SRPRA: variants seen among roughly 807,000 people sequenced by gnomAD.
SRPRA encodes the protein SRP receptor subunit alpha, also known as signal recognition particle receptor subunit alpha.
In SRPRA, 30 loss-of-function variants were observed where a neutral mutation model predicts 61.1. The ratio of observed to expected loss-of-function variants is 0.49; its 90% CI spans 0.37 to 0.67. The LOEUF (loss-of-function observed/expected upper bound fraction) is 0.67. Ranked by LOEUF, SRPRA falls within the 30% of genes least tolerant of loss-of-function variation. SRPRA has a pLI of 0.00. For missense variants in SRPRA, 759 were observed against 828.4 expected (o/e 0.92, Z 1.03); for synonymous variants, 324 against 299.7 (o/e 1.08, Z -0.84).
chr11:126,268,674 C>T lies in SRPRA; in HGVS notation c.117+14G>A. ...AAAGAAGAGCCTGGAGTTCTGATCC[C>T]ACGGGGACGGTACCTGCAGCAGCAC... On this transcript the variant is annotated intron_variant, in intron 1 of 13. Transcript: ENST00000332118. The T allele has an allele frequency of 6.2e-7, 1 of 1,609,176 alleles. No individual in the cohort carries two copies. Among genetic ancestry groups the T allele is most frequent in the Non-Finnish European group, 8.5e-7 (1 of 1,175,960 alleles).
At position 126,267,974 on chromosome 11, in the gene SRPRA, C is replaced by A. The variant is rs754553278; in HGVS notation, c.201+29G>T. ...AAAAATCAGGGCTATGTTAACAATGCAATCGTCCCTCTACAACACCCCACT... is the reference window on the plus strand; with the variant it reads ...AAAAATCAGGGCTATGTTAACAATGAAATCGTCCCTCTACAACACCCCACT... On this transcript the variant is annotated intron_variant, in intron 2 of 13. Coordinates refer to ENST00000332118, the MANE Select transcript of SRPRA (RefSeq NM_003139.4). This position sits in a 1 kb window ranked among gnomAD's most constrained non-coding sequence, Gnocchi z 4.2. 13 of 1,604,256 alleles carry A rather than the reference C, an allele frequency of 8.1e-6. No homozygotes were observed. The highest frequency in any genetic ancestry group is 1.1e-5 in the Non-Finnish European group (13 of 1,171,252).
At chr11:126,266,730 G>A (rs776037199) in intron 5 of SRPRA, 33 bp downstream of exon 5, 4 of 1,612,040 alleles carry the variant, frequency 2.5e-6, no homozygotes, top group Non-Finnish European at 3.4e-6. Context: ...CTAGATAACA[G>A]TATTTTGAGA....
the SRPRA span, among the ~76,000 whole-genome samples, chr11:126,251,916 A>G: frequency 6.6e-6 from 1 of 152,084 alleles, no homozygotes. Flanking sequence ...TCCTGACCTC[A>G]GGTGATCTGC....
At chr11:126,258,442 A>G (rs895027368), downstream of SRPRA, among the ~76,000 whole-genome samples, 4 of 152,218 alleles carry the variant, frequency 2.6e-5, no homozygotes, top group African/African-American at 9.6e-5. Context: ...TCCTAAATCA[A>G]ATCATCCCCA....
At chr11:126,261,688 A>C (rs1950704009), downstream of SRPRA, among the ~76,000 whole-genome samples, 1 of 152,150 alleles carries the variant, frequency 6.6e-6, no homozygotes, top group Non-Finnish European at 1.5e-5. Flanking sequence ...GTGATCAGTT[A>C]ATTTTTTGAA....
chr11:126,261,347 T>C (rs7109286), downstream of SRPRA: 33,288 of 1,181,596 alleles, frequency 0.028, 3,230 homozygotes, highest in African/African-American at 0.3. Flanking sequence ...TATGTCCTCA[T>C]CTCCCTTTAG....
At chr11:126,248,666 G>A in the SRPRA span, among the ~76,000 whole-genome samples, 2 of 152,024 alleles carry the variant, frequency 1.3e-5, no homozygotes, top group African/African-American at 2.4e-5. Context: ...CAGCACGCCC[G>A]GCCCAGACTC....
chr11:126,263,128 T>G lies in SRPRA; in HGVS notation c.*788A>C, dbSNP rs373915472. On this transcript the variant is annotated 3_prime_UTR_variant, in exon 14 of 14. Coordinates refer to ENST00000332118, the MANE Select transcript of SRPRA (RefSeq NM_003139.4). Reference sequence around the variant, plus strand: ...GGGAGTGATGAGGAAAAGCCAGGACTGCTTAGGAGGTGAAGGATGGGAGGG... The same window carrying G: ...GGGAGTGATGAGGAAAAGCCAGGACGGCTTAGGAGGTGAAGGATGGGAGGG... The G allele has an allele frequency of 8.5e-5, 13 of 152,672 alleles. No individual in the cohort carries two copies. In the East Asian group the frequency reaches 1.9e-3, roughly 23 times the overall value. 9.5% of individuals were successfully genotyped at this position (152,672 alleles called of 1,614,324 possible).
Position 126,268,799 on chromosome 11 carries a change from G to T in SRPRA, c.6C>A (p.Leu2=). 3.1e-6 allele frequency: 5 copies of T among 1,613,230 alleles called. No individual in the cohort carries two copies. Among genetic ancestry groups the T allele is most frequent in the Non-Finnish European group, 4.2e-6 (5 of 1,179,800 alleles). Residue 2 remains leucine, a synonymous_variant, in exon 1 of 14, where the codon CTC becomes CTA. Transcript: ENST00000332118. ...CCTTGGAGAAAATGGTGAAGAAGTC[G>T]AGCATGGCGGCAGCGGCAGAGGAGC... M[L]DFFTIFSKGG...
downstream of SRPRA, among the ~76,000 whole-genome samples, chr11:126,259,822 G>A (rs537256233): frequency 9.2e-5 from 14 of 151,924 alleles, no homozygotes; most frequent in African/African-American, 2.9e-4. Flanking sequence ...CTGGGTTCAC[G>A]CCATTCTCCT....
chr11:126,250,819 T>TTTA, the SRPRA span: 1 of 1,079,116 alleles, frequency 9.3e-7, no homozygotes, highest in South Asian at 1.6e-5. This position sits in a 1 kb window ranked among gnomAD's most constrained non-coding sequence, Gnocchi z 5.1. Flanking sequence ...TATATTGGTA[T>TTTA]TTATGTAGAG....
chr11:126,250,053 A>C, the SRPRA span, among the ~76,000 whole-genome samples: 1 of 150,796 alleles, frequency 6.6e-6, no homozygotes, highest in South Asian at 2.1e-4. The surrounding 1 kb of genome is among the most constrained non-coding windows in gnomAD (Gnocchi z 5.1). Flanking sequence ...CATCTTCCTT[A>C]TTACGTTCGT....
chr11:126,264,641 T>G lies in SRPRA; in HGVS notation c.1526-102A>C, dbSNP rs1428972763. 3.1e-5 allele frequency: 43 copies of G among 1,385,022 alleles called. No individual in the cohort carries two copies. The highest frequency in any genetic ancestry group is 3.6e-5 in the Non-Finnish European group (37 of 1,024,398). 85.8% of individuals were successfully genotyped at this position (1,385,022 alleles called of 1,614,324 possible). ...CTAGTTTGACTACCTGTTCACTGTCTTGGGCTCTGGATTTGGTTCCAAGGT... is the reference window on the plus strand; with the variant it reads ...CTAGTTTGACTACCTGTTCACTGTCGTGGGCTCTGGATTTGGTTCCAAGGT... On this transcript the variant is annotated intron_variant, in intron 11 of 13. Transcript: ENST00000332118. This position sits in a 1 kb window ranked among gnomAD's most constrained non-coding sequence, Gnocchi z 5.0.
rs1481531951 is a variant in SRPRA, at chr11:126,264,289, C to A, written c.1690G>T (p.Val564Phe). 13 of 1,613,402 alleles carry A rather than the reference C, an allele frequency of 8.1e-6. No homozygotes were observed. Among genetic ancestry groups the A allele is most frequent in the Non-Finnish European group, 1.1e-5 (13 of 1,179,658 alleles). ...TCAGCCAAGGCTCTGTTGAACTTGA[C>A]CTGGAAAGAAAAAGTGATAGAAGTG... is the stretch of plus-strand genomic sequence containing the variant. ...LVGNEAVDQL[V>F]KFNRALADHS... The change falls in exon 13 of 14, where the codon GTC becomes TTC. Residue 564 changes from valine (V) to phenylalanine (F), a missense_variant and splice_region_variant. Val to Phe is a conservative substitution (Grantham distance 50). Transcript: ENST00000332118. The surrounding 1 kb of genome is among the most constrained non-coding windows in gnomAD (Gnocchi z 5.0).
chr11:126,248,776 A>G, the SRPRA span, among the ~76,000 whole-genome samples: 1 of 152,216 alleles, frequency 6.6e-6, no homozygotes, highest in Non-Finnish European at 1.5e-5. Flanking sequence ...ATCACGTCTT[A>G]CTAGGTCTCG....
At chr11:126,250,774 T>G in the SRPRA span, 17 of 1,449,212 alleles carry the variant, frequency 1.2e-5, no homozygotes, top group Non-Finnish European at 1.6e-5. This position sits in a 1 kb window ranked among gnomAD's most constrained non-coding sequence, Gnocchi z 5.1. Flanking sequence ...GGCTAGTGGA[T>G]TTTATCTTCC....
the SRPRA span, among the ~76,000 whole-genome samples, chr11:126,250,096 T>C: frequency 6.6e-6 from 1 of 151,124 alleles, no homozygotes; most frequent in Non-Finnish European, 1.5e-5. This position sits in a 1 kb window ranked among gnomAD's most constrained non-coding sequence, Gnocchi z 5.1. Flanking sequence ...CCCGGGATTT[T>C]TTTTTTTTTT....
At chr11:126,253,672 A>G in the SRPRA span, among the ~76,000 whole-genome samples, 2 of 152,132 alleles carry the variant, frequency 1.3e-5, no homozygotes, top group African/African-American at 4.8e-5. This position sits in a 1 kb window ranked among gnomAD's most constrained non-coding sequence, Gnocchi z 5.1. Flanking sequence ...CACCCTCTTC[A>G]CATACCTGCA....
At chr11:126,254,340 C>G in the SRPRA span, 1 of 1,613,586 alleles carries the variant, frequency 6.2e-7, no homozygotes, top group East Asian at 2.2e-5. Context: ...GTAAGCTGAG[C>G]GTGTTGCATA....
Sources: allele counts gnomAD v4.1 joint callset (sites outside exome capture counted in the v4.1 genomes callset), GRCh38; gene constraint gnomAD v4.1.1; non-coding constraint Gnocchi (gnomAD v3.1); transcripts MANE v1.5; gene names NCBI Gene and HGNC (gene_info 2026-07-23, HGNC 2026-07-21).